The following NR3C2 variants were observed in gnomAD, a reference collection of about 807,000 sequenced individuals.
The protein encoded by NR3C2 is mineralocorticoid receptor.
Under a neutral mutation model 86.4 loss-of-function variants are expected in NR3C2, and 15 were observed. That is an observed-to-expected ratio of 0.17 (90% CI 0.12 to 0.27). The LOEUF (loss-of-function observed/expected upper bound fraction) is 0.27, where lower values mean the gene tolerates loss of function less well. NR3C2 is among the 10% of genes least tolerant of loss of function. NR3C2 has a pLI of 1.00. For missense variants in NR3C2, 960 were observed against 1,195.6 expected (o/e 0.80, Z 2.91); for synonymous variants, 458 against 450.5 (o/e 1.02, Z -0.21).
chr4:148,359,394 T>C (rs934705839), intron 2 of NR3C2, among the ~76,000 whole-genome samples: 18 of 152,232 alleles, frequency 1.2e-4, no homozygotes, highest in African/African-American at 3.1e-4. Flanking sequence ...TTTATCATCA[T>C]ATAGGTGATA....
intron 2 of NR3C2, among the ~76,000 whole-genome samples, chr4:148,378,772 T>A (rs978467166): frequency 6.6e-6 from 1 of 152,206 alleles, no homozygotes; most frequent in Non-Finnish European, 1.5e-5. Context: ...CCTCTTTTCT[T>A]TATAAATTGC....
chr4:148,306,032 T>C (rs1257170843), intron 2 of NR3C2, among the ~76,000 whole-genome samples: 3 of 152,228 alleles, frequency 2.0e-5, no homozygotes, highest in Non-Finnish European at 4.4e-5. Flanking sequence ...TATTCCATGA[T>C]AGCCATCTGG....
intron 8 of NR3C2, among the ~76,000 whole-genome samples, chr4:148,111,030 CA>C: frequency 6.6e-6 from 1 of 152,304 alleles, no homozygotes; most frequent in East Asian, 1.9e-4. Flanking sequence ...CTTCAAAAGA[CA>C]TTGCTAAGAG....
chr4:148,270,987 G>A (rs920239524), intron 2 of NR3C2, among the ~76,000 whole-genome samples: 4 of 152,102 alleles, frequency 2.6e-5, no homozygotes, highest in Admixed American at 6.6e-5. Context: ...ACCAGATTCT[G>A]CTATAGGATA....
intron 8 of NR3C2, among the ~76,000 whole-genome samples, chr4:148,094,161 C>T (rs1480674013): frequency 2.0e-5 from 3 of 152,118 alleles, no homozygotes; most frequent in Non-Finnish European, 4.4e-5. Flanking sequence ...ATTTCACACC[C>T]ATTAGGATGG....
intron 2 of NR3C2, among the ~76,000 whole-genome samples, chr4:148,414,309 G>A (rs1748890104): frequency 6.6e-6 from 1 of 152,118 alleles, no homozygotes; most frequent in African/African-American, 2.4e-5. Flanking sequence ...AAGTGAAAAG[G>A]GTGGGGAAGG....
intron 2 of NR3C2, among the ~76,000 whole-genome samples, chr4:148,339,587 T>C (rs1010161052): frequency 1.3e-4 from 20 of 152,114 alleles, no homozygotes; most frequent in African/African-American, 4.8e-4. Flanking sequence ...CAACTTAAAA[T>C]GCATAATGAA....
In NR3C2 at chr4:148,422,316, A is replaced by G. The variant is rs547565376; in HGVS notation, c.1757+12788T>C. On this transcript the variant is annotated intron_variant, in intron 2 of 8. Transcript: ENST00000358102. Reference sequence around the variant, plus strand: ...TATGAAAATGACAGAGGAATTGAGGAAAAAAAAAAACACCTTTGTATCATA... The same window carrying G: ...TATGAAAATGACAGAGGAATTGAGGGAAAAAAAAAACACCTTTGTATCATA... Among the ~76,000 whole-genome samples the G allele has an allele frequency of 9.6e-5, 14 of 146,186 alleles. No homozygotes were observed. In the East Asian group the frequency reaches 2.6e-3, roughly 27 times the overall value.
chr4:148,181,729 C>T (rs930505782), intron 4 of NR3C2, among the ~76,000 whole-genome samples: 1 of 152,122 alleles, frequency 6.6e-6, no homozygotes, highest in African/African-American at 2.4e-5. Context: ...AGTCAAAGAA[C>T]TGTTATTTTC....
intron 2 of NR3C2, among the ~76,000 whole-genome samples, chr4:148,367,677 T>G (rs574898379): frequency 1.3e-5 from 2 of 151,898 alleles, no homozygotes; most frequent in Middle Eastern, 3.4e-3. Context: ...GTAATATACC[T>G]CCTAAATATA....
intron 6 of NR3C2, among the ~76,000 whole-genome samples, chr4:148,144,916 A>C (rs1482096711): frequency 2.0e-5 from 3 of 152,208 alleles, no homozygotes; most frequent in Admixed American, 6.5e-5. Context: ...GAAGAGAGCC[A>C]GATGCAAAAT....
At chr4:148,325,451 C>T (rs1387688214) in intron 2 of NR3C2, among the ~76,000 whole-genome samples, 2 of 152,136 alleles carry the variant, frequency 1.3e-5, no homozygotes, top group Non-Finnish European at 2.9e-5. Flanking sequence ...TTTGCCTCAA[C>T]ATCTAGGTAA....
At chr4:148,414,563 A>G (rs1223629266) in intron 2 of NR3C2, among the ~76,000 whole-genome samples, 3 of 152,228 alleles carry the variant, frequency 2.0e-5, no homozygotes, top group Non-Finnish European at 4.4e-5. Context: ...GTAGATAACT[A>G]TAATCCACCT....
chr4:148,369,335 A>C (rs1294549518), intron 2 of NR3C2, among the ~76,000 whole-genome samples: 1 of 152,188 alleles, frequency 6.6e-6, no homozygotes, highest in Non-Finnish European at 1.5e-5. Flanking sequence ...ATTTCGGAGA[A>C]ATTACAATAC....
chr4:148,381,264 A>G (rs1746974785), intron 2 of NR3C2, among the ~76,000 whole-genome samples: 1 of 152,092 alleles, frequency 6.6e-6, no homozygotes, highest in Non-Finnish European at 1.5e-5. Context: ...ACATTAGGAT[A>G]AGAATAAATC....
chr4:148,094,744 CA>C (rs58228508), intron 8 of NR3C2, among the ~76,000 whole-genome samples: 56 of 144,882 alleles, frequency 3.9e-4, no homozygotes, highest in South Asian at 2.2e-3. Flanking sequence ...AACAAAAAAA[CA>C]AAAAAAAAAC....
At chr4:148,300,217 T>A (rs1742269894) in intron 2 of NR3C2, among the ~76,000 whole-genome samples, 1 of 152,224 alleles carries the variant, frequency 6.6e-6, no homozygotes, top group South Asian at 2.1e-4. Flanking sequence ...TTTGCGATGG[T>A]GGCCCAGGTT....
At chr4:148,159,767 G>A (rs979712629) in intron 4 of NR3C2, among the ~76,000 whole-genome samples, 1 of 152,200 alleles carries the variant, frequency 6.6e-6, no homozygotes, top group Admixed American at 6.5e-5. Context: ...TAATTAAGAT[G>A]TTTGCTAATT....
intron 4 of NR3C2, among the ~76,000 whole-genome samples, chr4:148,189,284 A>G (rs1736085447): frequency 6.6e-6 from 1 of 152,156 alleles, no homozygotes; most frequent in Admixed American, 6.5e-5. Context: ...TTTTGCATCT[A>G]TTGAGATGAT....
Sources: allele counts gnomAD v4.1 joint callset (sites outside exome capture counted in the v4.1 genomes callset), GRCh38; gene constraint gnomAD v4.1.1; transcripts MANE v1.5; gene names NCBI Gene and HGNC (gene_info 2026-07-23, HGNC 2026-07-21).